The following SNX29 variants were observed in gnomAD, a reference collection of about 807,000 sequenced individuals.
The protein encoded by SNX29 is sorting nexin 29, also known as sorting nexin-29.
SNX29 carries 78 observed loss-of-function variants against 102.1 expected under a neutral mutation model. The ratio of observed to expected loss-of-function variants is 0.76; its 90% CI spans 0.64 to 0.92. The LOEUF (loss-of-function observed/expected upper bound fraction) is 0.92, where lower values mean the gene tolerates loss of function less well. Ranked by LOEUF, SNX29 falls within the 40% of genes least tolerant of loss-of-function variation. SNX29 has a pLI of 0.00. For synonymous variants in SNX29, 580 were observed against 414.5 expected, an observed-to-expected ratio of 1.40 and a Z score of -4.85; for missense variants, 1,280 against 1,061.7, an observed-to-expected ratio of 1.21 and a Z score of -2.86.
intron 15 of SNX29, among the ~76,000 whole-genome samples, chr16:12,319,925 A>G (rs542245440): frequency 4.0e-4 from 61 of 152,250 alleles, no homozygotes; most frequent in African/African-American, 1.4e-3. Context: ...AGGTTTCTTC[A>G]GCCTCCCACA....
At chr16:12,530,143 G>C (rs1250694900) in intron 20 of SNX29, among the ~76,000 whole-genome samples, 3 of 152,224 alleles carry the variant, frequency 2.0e-5, no homozygotes, top group African/African-American at 7.2e-5. Flanking sequence ...TCTAAGGCAG[G>C]TGAGTTTGAG....
intron 10 of SNX29, among the ~76,000 whole-genome samples, chr16:12,075,424 T>G (rs1333328768): frequency 2.0e-5 from 3 of 152,176 alleles, no homozygotes; most frequent in Non-Finnish European, 4.4e-5. Context: ...TTGCTAGAGG[T>G]CCACTCCAGA....
At chr16:12,197,414 T>C (rs2141951546) in intron 13 of SNX29, among the ~76,000 whole-genome samples, 3 of 151,998 alleles carry the variant, frequency 2.0e-5, no homozygotes, top group Middle Eastern at 6.8e-3. Context: ...CTACTAAAAA[T>C]AAAAAAATTA....
At position 12,281,215 on chromosome 16, in the gene SNX29, A is replaced by G. The variant is rs74455400; in HGVS notation, c.1782+3179A>G. Among the ~76,000 whole-genome samples the G allele has an allele frequency of 3.4e-3, 523 of 152,300 alleles. 3 individuals are homozygous for G. Among genetic ancestry groups the G allele is most frequent in the African/African-American group, 0.012 (511 of 41,556 alleles). ...AAGTGTATGCCATTGTGCCCAGTCCATCTCATTTTAGATAATAAGGATATT... is the reference window on the plus strand; with the variant it reads ...AAGTGTATGCCATTGTGCCCAGTCCGTCTCATTTTAGATAATAAGGATATT... On this transcript the variant is annotated intron_variant, in intron 15 of 20. Coordinates refer to ENST00000566228, the MANE Select transcript of SNX29 (RefSeq NM_032167.5).
chr16:12,143,541 C>T (rs1283120170), intron 13 of SNX29, among the ~76,000 whole-genome samples: 1 of 152,170 alleles, frequency 6.6e-6, no homozygotes, highest in Non-Finnish European at 1.5e-5. Flanking sequence ...CATTTTACCT[C>T]TCAGGCTCCC....
chr16:12,256,130 T>C (rs2078565354), intron 14 of SNX29, among the ~76,000 whole-genome samples: 1 of 152,226 alleles, frequency 6.6e-6, no homozygotes, highest in Admixed American at 6.5e-5. Context: ...ATTGGTAATG[T>C]TGAGCAGCTG....
chr16:12,421,302 G>A (rs1037130953), intron 18 of SNX29, among the ~76,000 whole-genome samples: 1 of 152,208 alleles, frequency 6.6e-6, no homozygotes, highest in African/African-American at 2.4e-5. Flanking sequence ...TTCAGAGTAG[G>A]CTGCTCTGCC....
intron 20 of SNX29, among the ~76,000 whole-genome samples, chr16:12,567,261 G>A (rs533957820): frequency 1.3e-5 from 2 of 152,190 alleles, no homozygotes; most frequent in Admixed American, 6.5e-5. Context: ...GTCTTCCCTT[G>A]TAGGGTCCAG....
chr16:12,314,225 C>T (rs1052112015), intron 15 of SNX29, among the ~76,000 whole-genome samples: 6 of 152,244 alleles, frequency 3.9e-5, no homozygotes, highest in African/African-American at 1.2e-4. Flanking sequence ...TCCCAAACTC[C>T]TGGTCTCAAA....
intron 19 of SNX29, among the ~76,000 whole-genome samples, chr16:12,512,637 C>A (rs764731391): frequency 2.7e-5 from 4 of 147,790 alleles, no homozygotes. Flanking sequence ...CCCATGGATA[C>A]GCAGGCGGTT....
intron 20 of SNX29, among the ~76,000 whole-genome samples, chr16:12,533,122 C>G (rs1202182898): frequency 1.3e-5 from 2 of 152,242 alleles, no homozygotes; most frequent in East Asian, 1.9e-4. Flanking sequence ...CTCGACAGCT[C>G]TGCTTAGAAA....
chr16:12,200,794 T>G (rs1337513539), intron 14 of SNX29, among the ~76,000 whole-genome samples: 5 of 152,298 alleles, frequency 3.3e-5, no homozygotes. Flanking sequence ...CCACATGTCT[T>G]CAGAGTCAAC....
At chr16:12,278,268 A>G (rs1394802469) in intron 15 of SNX29, among the ~76,000 whole-genome samples, 3 of 152,242 alleles carry the variant, frequency 2.0e-5, no homozygotes, top group Non-Finnish European at 2.9e-5. Flanking sequence ...TGATAAGGAC[A>G]TAAGAGAAAA....
intron 20 of SNX29, among the ~76,000 whole-genome samples, chr16:12,537,836 C>G (rs555187062): frequency 3.3e-5 from 5 of 152,016 alleles, no homozygotes; most frequent in East Asian, 1.9e-4. Flanking sequence ...AAGAAGTTGT[C>G]TGGCTGGGCA....
chr16:12,375,401 A>G (rs1020885501), intron 16 of SNX29: 1 of 152,218 alleles, frequency 6.6e-6, no homozygotes, highest in African/African-American at 2.4e-5. Flanking sequence ...GACAGCATTT[A>G]CCATCTCACA....
chr16:12,488,534 C>T lies in SNX29; in HGVS notation c.2178+10675C>T, dbSNP rs757071887. 2.6e-5 allele frequency among the ~76,000 whole-genome samples: 4 copies of T among 152,060 alleles called. No individual in the cohort carries two copies. The East Asian group carries it at 5.8e-4, about 22-fold the overall frequency. On this transcript the variant is annotated intron_variant, in intron 19 of 20. Coordinates refer to ENST00000566228, the MANE Select transcript of SNX29 (RefSeq NM_032167.5). Reference sequence around the variant, plus strand: ...GCCTTCTTGGGATCTGTCACAGTGCCGGGTACAGAGTCGAACCTGTTTGTT... The same window carrying T: ...GCCTTCTTGGGATCTGTCACAGTGCTGGGTACAGAGTCGAACCTGTTTGTT...
In SNX29 at chr16:12,568,819, CGA is replaced by C. The variant is rs914501325; in HGVS notation, c.*195_*196del. Reference sequence around the variant, plus strand: ...CTTCGAGCCGCATGATACCGTGACCCGAGAGACCAAGGCAGCACCTCGCTGGA... The same window carrying C: ...CTTCGAGCCGCATGATACCGTGACCCGAGACCAAGGCAGCACCTCGCTGGA... On this transcript the variant is annotated 3_prime_UTR_variant, in exon 21 of 21. Coordinates refer to ENST00000566228, the MANE Select transcript of SNX29 (RefSeq NM_032167.5). 3.3e-6 allele frequency: 3 copies of C among 908,530 alleles called. No individual in the cohort carries two copies. The highest frequency in any genetic ancestry group is 3.4e-5 in the African/African-American group (2 of 59,432). 56.3% of individuals were successfully genotyped at this position (908,530 alleles called of 1,614,324 possible).
At chr16:12,554,934 G>T (rs751883077) in intron 20 of SNX29, among the ~76,000 whole-genome samples, 1 of 151,354 alleles carries the variant, frequency 6.6e-6, no homozygotes, top group Admixed American at 6.6e-5. Flanking sequence ...AGGGCAGCAA[G>T]CACGGCCTCT....
intron 14 of SNX29, among the ~76,000 whole-genome samples, chr16:12,247,983 C>T (rs118031796): frequency 0.013 from 2,023 of 152,288 alleles, 22 homozygotes; most frequent in Middle Eastern, 0.024. Flanking sequence ...TCTTCCCCTC[C>T]ACTGCAGCCC....
Sources: allele counts gnomAD v4.1 joint callset (sites outside exome capture counted in the v4.1 genomes callset), GRCh38; gene constraint gnomAD v4.1.1; transcripts MANE v1.5; gene names NCBI Gene and HGNC (gene_info 2026-07-23, HGNC 2026-07-21).